Variants in ASTN1 observed in about 807,000 individuals in gnomAD.
The protein encoded by ASTN1 is astrotactin 1.
ASTN1 carries 41 observed loss-of-function variants against 140.7 expected under a neutral mutation model. That is an observed-to-expected ratio of 0.29 (90% CI 0.23 to 0.38). ASTN1 has a LOEUF of 0.38. Ranked by LOEUF, ASTN1 falls within the 10% of genes least tolerant of loss-of-function variation. The pLI, the probability that ASTN1 is intolerant of heterozygous loss-of-function variation, is 1.00. For synonymous variants in ASTN1, 640 were observed against 652.2 expected (o/e 0.98, Z 0.29); for missense variants, 1,479 against 1,678.8 (o/e 0.88, Z 2.08).
At chr1:177,125,809 G>A (rs528386683) in intron 1 of ASTN1, among the ~76,000 whole-genome samples, 7 of 152,130 alleles carry the variant, frequency 4.6e-5, no homozygotes, top group African/African-American at 1.7e-4. Flanking sequence ...AACTTACCTC[G>A]ATTATTCTTC....
chr1:177,029,388 C>T (rs1210074726), intron 5 of ASTN1: 1 of 710,416 alleles, frequency 1.4e-6, no homozygotes, highest in South Asian at 1.4e-5. Flanking sequence ...AAGAAATAGC[C>T]TTTCAAACAA....
chr1:177,145,450 G>T (rs993295796), intron 1 of ASTN1, among the ~76,000 whole-genome samples: 1 of 152,144 alleles, frequency 6.6e-6, no homozygotes, highest in Non-Finnish European at 1.5e-5. Context: ...CCATAATTCT[G>T]AAATTCTCAA....
At chr1:177,088,791 T>A (rs1219576081) in intron 1 of ASTN1, among the ~76,000 whole-genome samples, 1 of 152,224 alleles carries the variant, frequency 6.6e-6, no homozygotes, top group African/African-American at 2.4e-5. Context: ...ACAGTGCTTT[T>A]TCCAATTCAT....
chr1:177,020,781 T>C (rs778917330), intron 7 of ASTN1, among the ~76,000 whole-genome samples: 2 of 152,168 alleles, frequency 1.3e-5, no homozygotes, highest in African/African-American at 4.8e-5. Flanking sequence ...GGGGATGCTC[T>C]TAGGAAGGAT....
chr1:176,888,007 G>A, intron 18 of ASTN1, 64 bp downstream of exon 18: 1 of 1,601,100 alleles, frequency 6.2e-7, no homozygotes. Flanking sequence ...CTATTTCTTT[G>A]CAAATAGTAG....
At chr1:177,091,098 A>G (rs1679728423) in intron 1 of ASTN1, among the ~76,000 whole-genome samples, 1 of 152,136 alleles carries the variant, frequency 6.6e-6, no homozygotes, top group Non-Finnish European at 1.5e-5. Flanking sequence ...AAACTTCTGA[A>G]AGCCAAATAT....
intron 1 of ASTN1, among the ~76,000 whole-genome samples, chr1:177,075,423 CA>C (rs5778926): frequency 0.45 from 65,187 of 145,322 alleles, 15,895 homozygotes; most frequent in East Asian, 0.94. Flanking sequence ...TTTCATTCAT[CA>C]AAAAAAAAAA....
chr1:177,011,957 T>C (rs187919140), intron 8 of ASTN1, among the ~76,000 whole-genome samples: 82 of 152,326 alleles, frequency 5.4e-4, no homozygotes, highest in Admixed American at 2.6e-4. Flanking sequence ...CTAAAGAATT[T>C]GTTTTAACTA....
At chr1:176,914,574 T>G (rs562869468) in intron 16 of ASTN1, among the ~76,000 whole-genome samples, 1 of 152,192 alleles carries the variant, frequency 6.6e-6, no homozygotes, top group Non-Finnish European at 1.5e-5. Context: ...AGTCCAGGAA[T>G]TTTGAGCCTG....
chr1:176,918,473 T>A (rs1670587426), intron 16 of ASTN1, among the ~76,000 whole-genome samples: 1 of 152,140 alleles, frequency 6.6e-6, no homozygotes, highest in South Asian at 2.1e-4. Context: ...ACATGTTCCA[T>A]CTCATTGGCT....
intron 1 of ASTN1, among the ~76,000 whole-genome samples, chr1:177,097,614 A>C (rs1160943845): frequency 6.6e-6 from 1 of 152,180 alleles, no homozygotes; most frequent in African/African-American, 2.4e-5. Flanking sequence ...TGATAAGGGT[A>C]AGAGGAGGAA....
intron 9 of ASTN1, among the ~76,000 whole-genome samples, chr1:176,959,253 A>G (rs972462463): frequency 1.3e-5 from 2 of 152,168 alleles, no homozygotes; most frequent in Admixed American, 6.5e-5. Context: ...TTCATAGTCA[A>G]AAATAGTCTG....
chr1:176,874,944 C>G (rs992819655), intron 21 of ASTN1, among the ~76,000 whole-genome samples: 7 of 152,126 alleles, frequency 4.6e-5, no homozygotes, highest in African/African-American at 7.2e-5. Context: ...CATGCTGCCT[C>G]CCAGGTGTTA....
At chr1:177,142,618 C>T (rs553561506) in intron 1 of ASTN1, among the ~76,000 whole-genome samples, 1 of 152,048 alleles carries the variant, frequency 6.6e-6, no homozygotes, top group African/African-American at 2.4e-5. Flanking sequence ...CAAAATGTTA[C>T]ATAAAAAAAT....
intron 1 of ASTN1, among the ~76,000 whole-genome samples, chr1:177,092,730 C>T (rs1350237652): frequency 5.9e-5 from 9 of 152,114 alleles, no homozygotes; most frequent in Non-Finnish European, 1.5e-5. Context: ...AGGCAGTTTG[C>T]AGTTGTCCCA....
chr1:176,979,595 C>A (rs1182518651), intron 8 of ASTN1, among the ~76,000 whole-genome samples: 1 of 152,138 alleles, frequency 6.6e-6, no homozygotes, highest in South Asian at 2.1e-4. Context: ...CTTGCCAGAG[C>A]GTTAGTCCCT....
chr1:177,075,422 T>C (rs1165984525), intron 1 of ASTN1, among the ~76,000 whole-genome samples: 2 of 13,012 alleles, frequency 1.5e-4, no homozygotes, highest in Admixed American at 1.3e-3. Context: ...GTTTCATTCA[T>C]CAAAAAAAAA....
At chr1:177,013,943 G>A (rs1275459883) in intron 8 of ASTN1, among the ~76,000 whole-genome samples, 1 of 152,092 alleles carries the variant, frequency 6.6e-6, no homozygotes, top group Non-Finnish European at 1.5e-5. Context: ...CACTTTGGGA[G>A]GCTGAGGTGG....
At chr1:176,883,935 G>A (rs770542567) in intron 19 of ASTN1, among the ~76,000 whole-genome samples, 4 of 152,162 alleles carry the variant, frequency 2.6e-5, no homozygotes, top group Non-Finnish European at 5.9e-5. Context: ...TGCCTGGAAG[G>A]GGGTTATTAG....
Sources: gnomAD v4.1 joint callset for allele counts (sites outside exome capture counted in the v4.1 genomes callset) on GRCh38, gnomAD v4.1.1 for gene constraint, MANE v1.5 for transcripts, NCBI Gene and HGNC (gene_info 2026-07-23, HGNC 2026-07-21) for gene names.